CBL: variants seen among roughly 807,000 people sequenced by gnomAD.
The protein encoded by CBL is Cbl proto-oncogene.
In CBL, 45 loss-of-function variants were observed where a neutral mutation model predicts 96.9. That is an observed-to-expected ratio of 0.46 (90% CI 0.37 to 0.60). CBL has a LOEUF of 0.60. CBL is among the 20% of genes least tolerant of loss of function. The pLI, the probability that CBL is intolerant of heterozygous loss-of-function variation, is 0.00. For synonymous variants in CBL, 420 were observed against 426.8 expected, an observed-to-expected ratio of 0.98 and a Z score of 0.20; for missense variants, 1,024 against 1,143.5, an observed-to-expected ratio of 0.90 and a Z score of 1.51.
chr11:119,285,750 G>T (rs1949980335), intron 11 of CBL, among the ~76,000 whole-genome samples, 184 bp downstream of exon 11: 1 of 152,094 alleles, frequency 6.6e-6, no homozygotes, highest in African/African-American at 2.4e-5. Flanking sequence ...ACAAAAATTA[G>T]CTGGGCGTGG....
intron 1 of CBL, among the ~76,000 whole-genome samples, chr11:119,231,608 T>G (rs1949502168): frequency 6.6e-6 from 1 of 151,874 alleles, no homozygotes; most frequent in African/African-American, 2.4e-5. Flanking sequence ...CTCAGGAGGC[T>G]GAGGCAGGAG....
intron 2 of CBL, among the ~76,000 whole-genome samples, chr11:119,233,576 G>T (rs1949520822): frequency 6.6e-6 from 1 of 152,174 alleles, no homozygotes; most frequent in African/African-American, 2.4e-5. Flanking sequence ...AGGCTATCCT[G>T]CATATTGTTA....
At chr11:119,254,422 A>G (rs560925929) in intron 2 of CBL, among the ~76,000 whole-genome samples, 53 of 152,294 alleles carry the variant, frequency 3.5e-4, no homozygotes, top group African/African-American at 1.2e-3. Flanking sequence ...ACAGAAACCT[A>G]GATGATACAG....
At chr11:119,209,725 C>G (rs1411093352) in intron 1 of CBL, among the ~76,000 whole-genome samples, 1 of 152,058 alleles carries the variant, frequency 6.6e-6, no homozygotes, top group African/African-American at 2.4e-5. Context: ...GAATATTATT[C>G]CAGCCAACTC....
Position 119,302,160 on chromosome 11 carries a change from G to A in CBL, c.*2379G>A, listed in dbSNP as rs377067250. 15 of 233,008 alleles carry A rather than the reference G, an allele frequency of 6.4e-5. 1 individual carries two copies. The highest frequency in any genetic ancestry group is 3.3e-4 in the African/African-American group (15 of 45,436). The allele number at this position is 233,008 out of a possible 1,614,324, so 14.4% of individuals were successfully genotyped here. The stretch of plus-strand genomic sequence containing the variant: ...CTCCAGCTCCCTGTGTTGTGTGTGT[G>A]TGCCATCCATGGGCTTGGGTGTCAG... On this transcript the variant is annotated 3_prime_UTR_variant, in exon 16 of 16. Coordinates refer to ENST00000264033, the MANE Select transcript of CBL (RefSeq NM_005188.4).
intron 1 of CBL, 59 bp downstream of exon 1, chr11:119,206,671 G>A (rs1002895558): frequency 3.3e-6 from 5 of 1,495,092 alleles, no homozygotes; most frequent in South Asian, 1.2e-5. Context: ...GGGCCGCGGG[G>A]AGGGGAACGA....
chr11:119,274,500 T>G (rs2135299617), intron 4 of CBL, among the ~76,000 whole-genome samples: 1 of 152,334 alleles, frequency 6.6e-6, no homozygotes, highest in East Asian at 1.9e-4. Context: ...TGCATACACA[T>G]TTATTTGGAA....
intron 1 of CBL, among the ~76,000 whole-genome samples, chr11:119,227,336 A>C (rs1949466590): frequency 6.6e-6 from 1 of 152,120 alleles, no homozygotes; most frequent in Non-Finnish European, 1.5e-5. Flanking sequence ...GATACCTTCA[A>C]CTTAGGATAG....
chr11:119,255,631 A>C (rs940987856), intron 2 of CBL, among the ~76,000 whole-genome samples: 1 of 152,136 alleles, frequency 6.6e-6, no homozygotes, highest in African/African-American at 2.4e-5. Context: ...AGTACATATA[A>C]ATTTTTTCAT....
chr11:119,221,535 A>G (rs1949410960), intron 1 of CBL, among the ~76,000 whole-genome samples: 1 of 152,074 alleles, frequency 6.6e-6, no homozygotes, highest in Admixed American at 6.6e-5. Context: ...TGGGAGGCCA[A>G]GGTGGATGGA....
At position 119,307,267 on chromosome 11, in the gene CBL, C is replaced by T. The variant is rs1950151229; in HGVS notation, c.*7486C>T. 4.3e-6 allele frequency: 1 copy of T among 232,572 alleles called. No homozygotes were observed. The highest frequency in any genetic ancestry group is 5.6e-5 in the Admixed American group (1 of 17,764). 14.4% of individuals were successfully genotyped at this position (232,572 alleles called of 1,614,324 possible). ...GTCTCCTGCAAAAGACAGAATGTTT[C>T]ACAATTCCCAGGTAAACTCTGGACC... On this transcript the variant is annotated 3_prime_UTR_variant, in exon 16 of 16. Coordinates refer to ENST00000264033, the MANE Select transcript of CBL (RefSeq NM_005188.4).
chr11:119,285,321 C>A lies in CBL; in HGVS notation c.1696C>A (p.Pro566Thr). The stretch of plus-strand genomic sequence containing the variant: ...ATCCCGACCTCAAAGACGCCCCTTG[C>A]CTTGTACACCAGGCGACTGTCCCTC... Reference protein sequence around the residue: ...AESRPQRRPLPCTPGDCPSRD... With the variant: ...AESRPQRRPLTCTPGDCPSRD... Residue 566 changes from proline (P) to threonine (T), a missense_variant, in exon 11 of 16, where the codon CCT becomes ACT. Pro to Thr is a conservative substitution (Grantham distance 38, BLOSUM62 -1). This residue lies in a region of CBL where 695 missense variants were observed against 661.6 expected (regional missense o/e 1.05). Coordinates refer to ENST00000264033, the MANE Select transcript of CBL (RefSeq NM_005188.4). 6.2e-7 allele frequency: 1 copy of A among 1,614,154 alleles called. No individual in the cohort carries two copies. The highest frequency in any genetic ancestry group is 8.5e-7 in the Non-Finnish European group (1 of 1,180,024).
chr11:119,263,505 C>G (rs1949770584), intron 2 of CBL, among the ~76,000 whole-genome samples: 1 of 152,170 alleles, frequency 6.6e-6, no homozygotes, highest in Admixed American at 6.6e-5. Flanking sequence ...TAGTAGGAAT[C>G]TGTTACTGTG....
intron 2 of CBL, among the ~76,000 whole-genome samples, chr11:119,252,593 C>G (rs958687311): frequency 6.6e-6 from 1 of 152,112 alleles, no homozygotes; most frequent in Non-Finnish European, 1.5e-5. Flanking sequence ...CGGTGGCTCA[C>G]GCCTATAATC....
intron 2 of CBL, among the ~76,000 whole-genome samples, chr11:119,269,969 C>T (rs1324255086): frequency 6.6e-6 from 1 of 151,920 alleles, no homozygotes; most frequent in African/African-American, 2.4e-5. Flanking sequence ...TGCACTCCAG[C>T]CCAGGCGACA....
In CBL at chr11:119,271,885, A is replaced by G; in HGVS notation, c.590+4A>G. The G allele has an allele frequency of 2.5e-6, 4 of 1,613,768 alleles. No individual in the cohort carries two copies. Among genetic ancestry groups the G allele is most frequent in the Non-Finnish European group, 3.4e-6 (4 of 1,179,702 alleles). ...GGAGAAAAGCTTTTGGGGAAAAGTAAGTCTCAGAATAATGAATTTGAACTA... is the reference window on the plus strand; with the variant it reads ...GGAGAAAAGCTTTTGGGGAAAAGTAGGTCTCAGAATAATGAATTTGAACTA... On this transcript the variant is annotated splice_donor_region_variant and intron_variant, in intron 3 of 15. Coordinates refer to ENST00000264033, the MANE Select transcript of CBL (RefSeq NM_005188.4).
chr11:119,262,279 G>C lies in CBL; in HGVS notation c.444-9456G>C, dbSNP rs1013202118. On this transcript the variant is annotated intron_variant, in intron 2 of 15. Coordinates refer to ENST00000264033, the MANE Select transcript of CBL (RefSeq NM_005188.4). ...AAGACTAAGAAATGATTACAGACCA[G>C]AGGAGACTAAGGAGATAGGGTGAGT... Among the ~76,000 whole-genome samples the C allele has an allele frequency of 2.0e-5, 3 of 152,206 alleles. No homozygotes were observed. The South Asian group carries it at 6.2e-4, about 31-fold the overall frequency.
At chr11:119,287,466 G>A (rs1054228874) in intron 11 of CBL, among the ~76,000 whole-genome samples, 13 of 152,324 alleles carry the variant, frequency 8.5e-5, no homozygotes, top group African/African-American at 3.1e-4. Flanking sequence ...TGGTACCTGT[G>A]GGGTGGATAG....
At position 119,206,522 on chromosome 11, in the gene CBL, G is replaced by A; in HGVS notation, c.105G>A (p.Pro35=). The part of the protein sequence containing the change: ...LIGLMKDAFQ[P]HHHHHHHLSP... The stretch of plus-strand genomic sequence containing the variant: ...GGCTCATGAAGGACGCCTTCCAGCC[G>A]CACCACCACCACCACCACCACCTCA... Residue 35 remains proline, a synonymous_variant, in exon 1 of 16, where the codon CCG becomes CCA. Coordinates refer to ENST00000264033, the MANE Select transcript of CBL (RefSeq NM_005188.4). 2 of 1,556,498 alleles carry A rather than the reference G, an allele frequency of 1.3e-6. No individual in the cohort carries two copies. Among genetic ancestry groups the A allele is most frequent in the Non-Finnish European group, 1.7e-6 (2 of 1,150,826 alleles).
Sources: gnomAD v4.1 joint callset for allele counts (sites outside exome capture counted in the v4.1 genomes callset) on GRCh38, gnomAD v4.1.1 for gene constraint, gnomAD v4.1.1 regional missense constraint, MANE v1.5 for transcripts, NCBI Gene and HGNC (gene_info 2026-07-23, HGNC 2026-07-21) for gene names.